The following SRRM3 variants were observed in gnomAD, a reference collection of about 807,000 sequenced individuals.
SRRM3 encodes serine/arginine repetitive matrix 3.
Under a neutral mutation model 66.2 loss-of-function variants are expected in SRRM3, and 27 were observed. That is an observed-to-expected ratio of 0.41 (90% CI 0.30 to 0.56). The LOEUF (loss-of-function observed/expected upper bound fraction) is 0.56. Ranked by LOEUF, SRRM3 falls within the 20% of genes least tolerant of loss-of-function variation. The pLI is 0.32. For synonymous variants in SRRM3, 391 were observed against 414.9 expected (o/e 0.94, Z 0.70); for missense variants, 918 against 991.9 (o/e 0.93, Z 1.00).
At chr7:76,225,455 GT>G (rs1312417397) in intron 1 of SRRM3, among the ~76,000 whole-genome samples, 1 of 152,050 alleles carries the variant, frequency 6.6e-6, no homozygotes, top group Non-Finnish European at 1.5e-5. Flanking sequence ...TAGAGGAACG[GT>G]GCTGCCCCCC....
Position 76,258,453 on chromosome 7 carries a change from G to A in SRRM3, c.336-1453G>A, listed in dbSNP as rs996142069. ...GAGTTTGCCGGGCGCGGTGGCTCAC[G>A]CCTGTAATCCCAGCACGTTGGGAGG... On this transcript the variant is annotated intron_variant, in intron 3 of 14. Coordinates refer to ENST00000611745, the MANE Select transcript of SRRM3 (RefSeq NM_001110199.3). Among the ~76,000 whole-genome samples the A allele has an allele frequency of 9.9e-5, 15 of 152,150 alleles. No individual in the cohort carries two copies. The East Asian group carries it at 2.3e-3, about 24-fold the overall frequency.
chr7:76,221,002 C>T (rs1002494511), intron 1 of SRRM3, among the ~76,000 whole-genome samples: 16 of 151,838 alleles, frequency 1.1e-4, no homozygotes, highest in African/African-American at 3.4e-4. Context: ...GGGCTCTGCC[C>T]GCTCCCTGAG....
rs78161470 is a variant in SRRM3, at chr7:76,283,786, T to G, written c.1733+685T>G. The G allele has an allele frequency of 4.8e-3, 4,723 of 985,408 alleles. 149 individuals are homozygous for G. The African/African-American group carries it at 0.063, about 13-fold the overall frequency. The allele number at this position is 985,408 out of a possible 1,614,324, so 61.0% of individuals were successfully genotyped here. A position where few individuals can be genotyped will look rare whatever the true frequency, so the allele number is the denominator to read the frequency against. On this transcript the variant is annotated intron_variant, in intron 14 of 14. Coordinates refer to ENST00000611745, the MANE Select transcript of SRRM3 (RefSeq NM_001110199.3). ...CCCAGGGCGTGGCTGGTGAAGCCATTATCAGTTTCTCTGCTAGGACTGGAA... is the reference window on the plus strand; with the variant it reads ...CCCAGGGCGTGGCTGGTGAAGCCATGATCAGTTTCTCTGCTAGGACTGGAA...
chr7:76,227,560 C>T (rs1800906353), intron 1 of SRRM3, among the ~76,000 whole-genome samples: 1 of 152,236 alleles, frequency 6.6e-6, no homozygotes. Context: ...CCTGCTCCCT[C>T]CCAGCCTTGC....
At chr7:76,275,045 G>A (rs1802306736) in intron 11 of SRRM3, among the ~76,000 whole-genome samples, 1 of 150,688 alleles carries the variant, frequency 6.6e-6, no homozygotes, top group Non-Finnish European at 1.5e-5. Flanking sequence ...GGCAGAGGCT[G>A]CAGTGAGCCT....
At chr7:76,280,731 GC>G (rs1802474833) in intron 11 of SRRM3, among the ~76,000 whole-genome samples, 1 of 151,768 alleles carries the variant, frequency 6.6e-6, no homozygotes, top group African/African-American at 2.4e-5. Context: ...CCCGGCTCGG[GC>G]CCGGTGAAAG....
chr7:76,266,766 G>A (rs745619733), intron 10 of SRRM3, among the ~76,000 whole-genome samples: 7 of 148,458 alleles, frequency 4.7e-5, no homozygotes, highest in South Asian at 2.1e-4. Flanking sequence ...TCCGCCTCCG[G>A]GATTCAAGCA....
intron 2 of SRRM3, among the ~76,000 whole-genome samples, chr7:76,239,824 A>G (rs144980510): frequency 6.6e-6 from 1 of 152,252 alleles, no homozygotes; most frequent in East Asian, 1.9e-4. Context: ...AGGTTTTCTT[A>G]AGGCCAGGAG....
intron 8 of SRRM3, among the ~76,000 whole-genome samples, chr7:76,261,879 C>T (rs1229861339): frequency 4.6e-5 from 7 of 151,734 alleles, no homozygotes; most frequent in Non-Finnish European, 7.4e-5. Flanking sequence ...GCCAGTTAGA[C>T]AAGCAGAAAC....
At chr7:76,224,253 G>T (rs1355617854) in intron 1 of SRRM3, among the ~76,000 whole-genome samples, 1 of 148,098 alleles carries the variant, frequency 6.8e-6, no homozygotes, top group Non-Finnish European at 1.5e-5. Flanking sequence ...CTAATTTTTT[G>T]TATTTTAGTA....
At chr7:76,255,140 CTTTCTTTCTTTT>C (rs1423342872) in intron 3 of SRRM3, among the ~76,000 whole-genome samples, 1 of 97,148 alleles carries the variant, frequency 1.0e-5, no homozygotes, top group East Asian at 2.8e-4. Flanking sequence ...TTCTTTCTTT[CTTTCTTTCTTTT>C]TTTTTTTTTT....
intron 1 of SRRM3, among the ~76,000 whole-genome samples, chr7:76,221,466 C>T (rs1386153180): frequency 6.7e-6 from 1 of 150,282 alleles, no homozygotes; most frequent in African/African-American, 2.5e-5. Flanking sequence ...AGGTTCACAC[C>T]ATTCTCCTGC....
chr7:76,274,199 AG>A (rs1802281956), intron 11 of SRRM3, among the ~76,000 whole-genome samples: 1 of 152,236 alleles, frequency 6.6e-6, no homozygotes, highest in Non-Finnish European at 1.5e-5. Context: ...GTTCTGGCCA[AG>A]GTCAGGCACA....
At chr7:76,225,338 T>A (rs1284610772) in intron 1 of SRRM3, among the ~76,000 whole-genome samples, 2 of 152,212 alleles carry the variant, frequency 1.3e-5, no homozygotes, top group Admixed American at 1.3e-4. Context: ...AAGTGCTTAC[T>A]TGAAGCTGTG....
intron 11 of SRRM3, among the ~76,000 whole-genome samples, chr7:76,280,845 C>G (rs1802479098): frequency 6.7e-6 from 1 of 150,062 alleles, no homozygotes; most frequent in Admixed American, 6.7e-5. Context: ...TGTCCCCTGC[C>G]TGTCTGGATT....
At chr7:76,263,905 A>AAAG (rs1563633331) in intron 8 of SRRM3, among the ~76,000 whole-genome samples, 1 of 143,652 alleles carries the variant, frequency 7.0e-6, no homozygotes, top group Non-Finnish European at 1.5e-5. Context: ...AAAAAAAAAA[A>AAAG]GCAGGGACAT....
At position 76,267,031 on chromosome 7, in the gene SRRM3, GC is replaced by G. The variant is rs1318562205; in HGVS notation, c.831-224del. Among the ~76,000 whole-genome samples, 8 of 152,254 alleles carry G rather than the reference GC, an allele frequency of 5.3e-5. No individual in the cohort carries two copies. The East Asian group carries it at 1.4e-3, about 26-fold the overall frequency. On this transcript the variant is annotated intron_variant, in intron 10 of 14. Coordinates refer to ENST00000611745, the MANE Select transcript of SRRM3 (RefSeq NM_001110199.3). ...GGGAGTGATAACTTGAGGAAGAGCT[GC>G]CCTAAGGCCCCTAAGCCTCCGCCTG...
intron 11 of SRRM3, 182 bp downstream of exon 11, chr7:76,267,617 G>A (rs1802106725): frequency 2.0e-6 from 1 of 504,744 alleles, no homozygotes; most frequent in Non-Finnish European, 3.1e-6. Context: ...GGGAGTGCTA[G>A]GCCGTTGCGC....
chr7:76,214,069 C>T (rs868993859), intron 1 of SRRM3, among the ~76,000 whole-genome samples: 4 of 152,102 alleles, frequency 2.6e-5, no homozygotes, highest in African/African-American at 4.8e-5. Context: ...TGAACCACTG[C>T]GCCCAACCCT....
Sources: allele counts gnomAD v4.1 joint callset (sites outside exome capture counted in the v4.1 genomes callset), GRCh38; gene constraint gnomAD v4.1.1; transcripts MANE v1.5; gene names NCBI Gene and HGNC (gene_info 2026-07-23, HGNC 2026-07-21).